Variants in NADSYN1 observed in about 807,000 individuals in gnomAD.
The protein encoded by NADSYN1 is NAD synthetase 1.
In NADSYN1, 80 loss-of-function variants were observed where a neutral mutation model predicts 99.3. The observed-to-expected ratio is 0.81, with a 90% CI of 0.67 to 0.97. NADSYN1 has a LOEUF of 0.97. NADSYN1 is among the 50% of genes least tolerant of loss of function. The pLI, the probability that NADSYN1 is intolerant of heterozygous loss-of-function variation, is 0.00. For synonymous variants in NADSYN1, 385 were observed against 372.1 expected (o/e 1.03, Z -0.40); for missense variants, 859 against 948.5 (o/e 0.91, Z 1.24).
intron 3 of NADSYN1, among the ~76,000 whole-genome samples, chr11:71,462,860 G>A (rs1320965022): frequency 6.6e-6 from 1 of 152,146 alleles, no homozygotes; most frequent in Admixed American, 6.5e-5. Flanking sequence ...CTCCTGTCGG[G>A]TCACTCTGGT....
At chr11:71,482,493 G>T (rs965065251) in intron 13 of NADSYN1, among the ~76,000 whole-genome samples, 1 of 151,238 alleles carries the variant, frequency 6.6e-6, no homozygotes, top group African/African-American at 2.4e-5. Context: ...TGTAGACCGG[G>T]GTGCAGCCGC....
chr11:71,489,343 A>G (rs1317166173), intron 16 of NADSYN1, among the ~76,000 whole-genome samples: 1 of 151,922 alleles, frequency 6.6e-6, no homozygotes, highest in East Asian at 1.9e-4. Context: ...AGTCTGCCTC[A>G]ATTTTCCCCC....
At chr11:71,490,547 C>A (rs900595357) in intron 16 of NADSYN1, among the ~76,000 whole-genome samples, 1 of 152,282 alleles carries the variant, frequency 6.6e-6, no homozygotes, top group South Asian at 2.1e-4. Context: ...TGCTCACTCC[C>A]GACACCCCAA....
At chr11:71,455,555 G>C (rs990641704) in intron 2 of NADSYN1, 6 of 207,276 alleles carry the variant, frequency 2.9e-5, no homozygotes, top group Non-Finnish European at 4.9e-5. Flanking sequence ...ATTGGGTCAT[G>C]AGGGCATGAG....
At chr11:71,469,337 T>C (rs1232972229) in intron 5 of NADSYN1, among the ~76,000 whole-genome samples, 1 of 152,138 alleles carries the variant, frequency 6.6e-6, no homozygotes, top group African/African-American at 2.4e-5. Context: ...CTGGGCGTTG[T>C]GGTGTGCACC....
chr11:71,477,783 T>C (rs1949679176), intron 9 of NADSYN1, among the ~76,000 whole-genome samples: 1 of 152,122 alleles, frequency 6.6e-6, no homozygotes, highest in African/African-American at 2.4e-5. Context: ...CCCAGCTCCA[T>C]CCTCCTTTGT....
intron 9 of NADSYN1, chr11:71,477,241 T>C (rs1477671245): frequency 1.1e-5 from 13 of 1,214,632 alleles, no homozygotes; most frequent in African/African-American, 1.6e-5. Flanking sequence ...TAACCTAGCC[T>C]CGGGGAGAGT....
chr11:71,490,802 G>A (rs757044430), intron 16 of NADSYN1, 43 bp from the exon 17 acceptor site: 1 of 1,609,680 alleles, frequency 6.2e-7, no homozygotes, highest in Admixed American at 1.7e-5. Context: ...GATGGAGTCT[G>A]CGGCCCCTTG....
Position 71,484,450 on chromosome 11 carries a change from G to T in NADSYN1, c.1455+3G>T. 1 of 1,612,536 alleles carries T rather than the reference G, an allele frequency of 6.2e-7. No individual in the cohort carries two copies. The highest frequency in any genetic ancestry group is 8.5e-7 in the Non-Finnish European group (1 of 1,179,288). ...ACCTGGCGCTGCAAAATGTGCAGGTGCCCCCGCCTGGGCCGGCGTCCCCTG... is the reference window on the plus strand; with the variant it reads ...ACCTGGCGCTGCAAAATGTGCAGGTTCCCCCGCCTGGGCCGGCGTCCCCTG... On this transcript the variant is annotated splice_donor_region_variant and intron_variant, in intron 15 of 20. Coordinates refer to ENST00000319023, the MANE Select transcript of NADSYN1 (RefSeq NM_018161.5).
chr11:71,467,627 G>A lies in NADSYN1; in HGVS notation c.407+3485G>A, dbSNP rs535155080. Among the ~76,000 whole-genome samples, 7 of 152,236 alleles carry A rather than the reference G, an allele frequency of 4.6e-5. No individual in the cohort carries two copies. In the East Asian group the frequency reaches 1.4e-3, roughly 29 times the overall value. On this transcript the variant is annotated intron_variant, in intron 5 of 20. Coordinates refer to ENST00000319023, the MANE Select transcript of NADSYN1 (RefSeq NM_018161.5). ...TAAGTTAAACATAGTTGAATAGAGAGGTATGGAACTGAAAGATAGACCTCT... is the reference window on the plus strand; with the variant it reads ...TAAGTTAAACATAGTTGAATAGAGAAGTATGGAACTGAAAGATAGACCTCT...
chr11:71,497,865 A>G (rs530232426), intron 19 of NADSYN1, among the ~76,000 whole-genome samples: 1 of 152,370 alleles, frequency 6.6e-6, no homozygotes, highest in South Asian at 2.1e-4. Flanking sequence ...TGAGGATAGA[A>G]TGTAAACTTC....
chr11:71,485,554 A>T lies in NADSYN1; in HGVS notation c.1468A>T (p.Met490Leu), dbSNP rs1343685171. 1.9e-6 allele frequency: 3 copies of T among 1,557,004 alleles called. No individual in the cohort carries two copies. Among genetic ancestry groups the T allele is most frequent in the Non-Finnish European group, 2.6e-6 (3 of 1,150,152 alleles). The change falls in exon 16 of 21, where the codon ATG (methionine) becomes TTG (leucine). Residue 490 changes from methionine (M) to leucine (L), a missense_variant. Coordinates refer to ENST00000319023, the MANE Select transcript of NADSYN1 (RefSeq NM_018161.5). ...TTGTGTTTTCCAGGCTCGAATACGG[A>T]TGGTCCTCGCCTATCTGTTTGCTCA... ...ALQNVQARIR[M>L]VLAYLFAQLS...
rs143244758 is a variant in NADSYN1, at chr11:71,495,909, C to T, written c.1765-1574C>T. 1.1e-4 allele frequency among the ~76,000 whole-genome samples: 16 copies of T among 152,302 alleles called. No individual in the cohort carries two copies. In the East Asian group the frequency reaches 3.1e-3, roughly 29 times the overall value. On this transcript the variant is annotated intron_variant, in intron 18 of 20. Transcript: ENST00000319023. ...AGCAGATCTTGAACAATGGAAAGGG[C>T]CTGGGTTGTATGAGCCTCGGGGTAA...
Position 71,480,774 on chromosome 11 carries a change from A to T in NADSYN1, c.893A>T (p.Tyr298Phe). 1 of 1,614,050 alleles carries T rather than the reference A, an allele frequency of 6.2e-7. No individual in the cohort carries two copies. The highest frequency in any genetic ancestry group is 8.5e-7 in the Non-Finnish European group (1 of 1,179,992). Reference protein sequence around the residue: ...RNLAASRASPYPRVKVDFALS... With the variant: ...RNLAASRASPFPRVKVDFALS... ...TGCCAGGCCAGCAGGGCGAGCCCCT[A>T]CCCCAGAGTGAAGGTGGACTTTGCC... is the stretch of plus-strand genomic sequence containing the variant. Residue 298 changes from tyrosine to phenylalanine, a missense_variant, in exon 11 of 21, where the codon TAC becomes TTC. Tyr to Phe is a conservative substitution (Grantham distance 22). Transcript: ENST00000319023.
At position 71,501,539 on chromosome 11, in the gene NADSYN1, G is replaced by C. The variant is rs1949857760; in HGVS notation, c.*187G>C. On this transcript the variant is annotated 3_prime_UTR_variant, in exon 21 of 21. Coordinates refer to ENST00000319023, the MANE Select transcript of NADSYN1 (RefSeq NM_018161.5). ...CTGGAATAAAGCCTGGGCTTAAAAA[G>C]AGGCTGGAATCCAATGCACATGATT... is the stretch of plus-strand genomic sequence containing the variant. The C allele has an allele frequency of 1.7e-6, 1 of 592,082 alleles. No individual in the cohort carries two copies. Among genetic ancestry groups the C allele is most frequent in the African/African-American group, 1.9e-5 (1 of 53,104 alleles). The allele number at this position is 592,082 out of a possible 1,614,324, so 36.7% of individuals were successfully genotyped here. A position where few individuals can be genotyped will look rare whatever the true frequency, so the allele number is the denominator to read the frequency against.
chr11:71,491,649 T>C (rs1401348779), intron 17 of NADSYN1, among the ~76,000 whole-genome samples, 185 bp from the exon 18 acceptor site: 3 of 152,086 alleles, frequency 2.0e-5, no homozygotes, highest in Non-Finnish European at 2.9e-5. Context: ...GTGCCCACAC[T>C]CCTCAGCCCA....
chr11:71,486,209 G>T (rs1949741822), intron 16 of NADSYN1, among the ~76,000 whole-genome samples: 1 of 152,162 alleles, frequency 6.6e-6, no homozygotes, highest in African/African-American at 2.4e-5. Context: ...CGTCTGTGCT[G>T]TTCTTAGTTG....
At position 71,463,414 on chromosome 11, in the gene NADSYN1, C is replaced by T. The variant is rs986372415; in HGVS notation, c.264-18C>T. The T allele has an allele frequency of 6.2e-7, 1 of 1,611,680 alleles. No homozygotes were observed. Among genetic ancestry groups the T allele is most frequent in the South Asian group, 1.1e-5 (1 of 90,998 alleles). On this transcript the variant is annotated intron_variant, in intron 3 of 20. Transcript: ENST00000319023. The stretch of plus-strand genomic sequence containing the variant: ...CATAACCGGGCAGACACACATGTAC[C>T]TCCCCTCTCTCCTGCAGGCCTGTAA...
chr11:71,471,305 G>A (rs1241162530), intron 5 of NADSYN1, among the ~76,000 whole-genome samples: 1 of 152,240 alleles, frequency 6.6e-6, no homozygotes, highest in Non-Finnish European at 1.5e-5. Context: ...TGGGAGCTGT[G>A]CCGAATGATG....
Sources: allele counts gnomAD v4.1 joint callset (sites outside exome capture counted in the v4.1 genomes callset), GRCh38; gene constraint gnomAD v4.1.1; transcripts MANE v1.5; gene names NCBI Gene and HGNC (gene_info 2026-07-23, HGNC 2026-07-21).